The following CCDC7 variants were observed in gnomAD, a reference collection of about 807,000 sequenced individuals.
CCDC7 encodes coiled-coil domain-containing protein 7.
Under a neutral mutation model 196.9 loss-of-function variants are expected in CCDC7, and 183 were observed. That is an observed-to-expected ratio of 0.93 (90% confidence interval 0.82 to 1.05). The LOEUF (loss-of-function observed/expected upper bound fraction) is 1.05, where lower values mean the gene tolerates loss of function less well. Ranked by LOEUF, CCDC7 falls within the 50% of genes least tolerant of loss-of-function variation. The pLI is 0.00. For missense variants in CCDC7, 1,540 were observed against 1,482.2 expected, an observed-to-expected ratio of 1.04 and a Z score of -0.64; for synonymous variants, 525 against 484.6, an observed-to-expected ratio of 1.08 and a Z score of -1.10.
At chr10:32,761,193 C>T (rs996922789) in intron 28 of CCDC7, among the ~76,000 whole-genome samples, 1 of 151,968 alleles carries the variant, frequency 6.6e-6, no homozygotes, top group Non-Finnish European at 1.5e-5. Flanking sequence ...AGAGGGAATA[C>T]AGAAAGCACA....
At chr10:32,688,611 T>C (rs1361884627) in intron 22 of CCDC7, among the ~76,000 whole-genome samples, 1 of 152,210 alleles carries the variant, frequency 6.6e-6, no homozygotes, top group Non-Finnish European at 1.5e-5. Context: ...TTTGTAACTG[T>C]ATGTACAGTT....
At chr10:32,641,129 C>G (rs932495729) in intron 20 of CCDC7, among the ~76,000 whole-genome samples, 8 of 152,080 alleles carry the variant, frequency 5.3e-5, no homozygotes, top group African/African-American at 1.9e-4. Flanking sequence ...AATTATGTGT[C>G]TTGGAGTTGC....
chr10:32,831,715 C>T (rs1033593107), intron 32 of CCDC7, among the ~76,000 whole-genome samples: 1 of 152,106 alleles, frequency 6.6e-6, no homozygotes, highest in Non-Finnish European at 1.5e-5. Flanking sequence ...CGTCTTGCCC[C>T]AGTGGAAAGT....
At chr10:32,768,445 T>C (rs1447027730) in intron 28 of CCDC7, among the ~76,000 whole-genome samples, 1 of 152,164 alleles carries the variant, frequency 6.6e-6, no homozygotes, top group Non-Finnish European at 1.5e-5. Context: ...TTTTTCTAGA[T>C]ATTAGATCAT....
chr10:32,499,081 G>GTTTGTTTTT (rs2043407898), intron 9 of CCDC7: 1 of 82,966 alleles, frequency 1.2e-5, no homozygotes, highest in Non-Finnish European at 2.5e-5. Flanking sequence ...GGTTTTGTTT[G>GTTTGTTTTT]TTTCTTTTTT....
At chr10:32,602,572 T>C (rs1308800071) in intron 18 of CCDC7, among the ~76,000 whole-genome samples, 1 of 152,224 alleles carries the variant, frequency 6.6e-6, no homozygotes, top group Non-Finnish European at 1.5e-5. Context: ...TATTAATTTT[T>C]CCACCTATGC....
At chr10:32,676,187 G>GC (rs1384323493) in intron 21 of CCDC7, among the ~76,000 whole-genome samples, 1 of 43,446 alleles carries the variant, frequency 2.3e-5, no homozygotes, top group Non-Finnish European at 7.7e-5. Context: ...GCCATATGTA[G>GC]AATCCCTTCC....
chr10:32,872,440 G>A (rs541570879), intron 41 of CCDC7, among the ~76,000 whole-genome samples: 6 of 151,746 alleles, frequency 4.0e-5, no homozygotes, highest in African/African-American at 9.7e-5. Context: ...GTCTCTGCAC[G>A]TGAGATGGGT....
chr10:32,509,819 A>G (rs1430376897), intron 9 of CCDC7, among the ~76,000 whole-genome samples: 2 of 152,206 alleles, frequency 1.3e-5, no homozygotes, highest in African/African-American at 4.8e-5. Flanking sequence ...AGAAATGTAA[A>G]TCAAAATCAC....
At chr10:32,874,161 A>C (rs957053116) in intron 41 of CCDC7, among the ~76,000 whole-genome samples, 1 of 148,866 alleles carries the variant, frequency 6.7e-6, no homozygotes, top group African/African-American at 2.4e-5. Flanking sequence ...GTACATATAT[A>C]ATTATATTCA....
chr10:32,671,433 C>T (rs971884417), intron 21 of CCDC7, among the ~76,000 whole-genome samples: 1 of 152,020 alleles, frequency 6.6e-6, no homozygotes, highest in Non-Finnish European at 1.5e-5. Context: ...TAGGCTATAC[C>T]ATGTAGGTTT....
chr10:32,643,188 G>C (rs2067151425), intron 20 of CCDC7, among the ~76,000 whole-genome samples: 1 of 152,058 alleles, frequency 6.6e-6, no homozygotes, highest in Non-Finnish European at 1.5e-5. Context: ...TGCTGCTTAT[G>C]TTATTGGTGC....
chr10:32,738,439 A>G (rs957729556), intron 28 of CCDC7, among the ~76,000 whole-genome samples: 2 of 150,990 alleles, frequency 1.3e-5, no homozygotes, highest in African/African-American at 4.9e-5. Flanking sequence ...TGTTAGATCA[A>G]TTAAGAGAAA....
chr10:32,732,773 G>A (rs917646946), intron 28 of CCDC7, among the ~76,000 whole-genome samples: 1 of 152,008 alleles, frequency 6.6e-6, no homozygotes, highest in South Asian at 2.1e-4. Flanking sequence ...CATTACCCAC[G>A]ATATGATGGA....
At chr10:32,722,451 T>C (rs1419620664) in intron 25 of CCDC7, among the ~76,000 whole-genome samples, 1 of 152,066 alleles carries the variant, frequency 6.6e-6, no homozygotes, top group East Asian at 1.9e-4. Context: ...GGGCTAGAAG[T>C]CTGGGATCAA....
At chr10:32,476,145 G>A (rs1006931920) in intron 8 of CCDC7, among the ~76,000 whole-genome samples, 8 of 151,980 alleles carry the variant, frequency 5.3e-5, no homozygotes, top group Non-Finnish European at 1.2e-4. Context: ...ATCATGTCTT[G>A]GATCCACCAT....
chr10:32,532,847 G>T (rs937460363), intron 11 of CCDC7, among the ~76,000 whole-genome samples: 3 of 151,912 alleles, frequency 2.0e-5, no homozygotes, highest in African/African-American at 7.3e-5. Flanking sequence ...TTCACTTTCA[G>T]GCTGTGTGTG....
intron 11 of CCDC7, among the ~76,000 whole-genome samples, chr10:32,529,825 C>G (rs190473132): frequency 1.3e-4 from 20 of 152,182 alleles, no homozygotes; most frequent in Admixed American, 1.2e-3. Flanking sequence ...CTTTTGGGTT[C>G]TTGGTTATGA....
At chr10:32,503,020 T>C (rs1263462550) in intron 9 of CCDC7, among the ~76,000 whole-genome samples, 1 of 152,212 alleles carries the variant, frequency 6.6e-6, no homozygotes, top group African/African-American at 2.4e-5. Context: ...GCAACTTTGT[T>C]GGATTCATTT....
Sources: gnomAD v4.1 joint callset for allele counts (sites outside exome capture counted in the v4.1 genomes callset) on GRCh38, gnomAD v4.1.1 for gene constraint, MANE v1.5 for transcripts, NCBI Gene and HGNC (gene_info 2026-07-23, HGNC 2026-07-21) for gene names.